Variants in TJP2 observed in about 807,000 individuals in gnomAD.
TJP2 encodes tight junction protein 2, also known as Friedreich ataxia region gene X104 (tight junction protein ZO-2).
Under a neutral mutation model 133.1 loss-of-function variants are expected in TJP2, and 91 were observed. That is an observed-to-expected ratio of 0.68 (90% CI 0.58 to 0.81). The LOEUF is 0.81. Ranked by LOEUF, TJP2 falls within the 40% of genes least tolerant of loss-of-function variation. TJP2 has a pLI of 0.00. For synonymous variants in TJP2, 592 were observed against 583.4 expected (o/e 1.01, Z -0.21); for missense variants, 1,541 against 1,565.6 (o/e 0.98, Z 0.26).
rs770042667 is a variant in TJP2, at chr9:69,230,085, T to G, written c.1524T>G (p.Pro508=). ...TCTGAAACGGAACCTATTGCAGCCC[T>G]AATACCAAAATGGTAAGGTTCAAGA... ...PSPEDEAIYG[P]NTKMVRFKKG... The change falls in exon 11 of 23, where the codon CCT becomes CCG. Residue 508 remains proline (P), a synonymous_variant. Transcript: ENST00000377245. 1.9e-6 allele frequency: 3 copies of G among 1,614,046 alleles called. No individual in the cohort carries two copies. The highest frequency in any genetic ancestry group is 2.5e-6 in the Non-Finnish European group (3 of 1,180,008).
chr9:69,251,165 C>G lies in TJP2; in HGVS notation c.3122C>G (p.Ala1041Gly). The G allele has an allele frequency of 6.2e-7, 1 of 1,614,162 alleles. No individual in the cohort carries two copies. Among genetic ancestry groups the G allele is most frequent in the African/African-American group, 1.3e-5 (1 of 75,034 alleles). ...AAAGGTTATCCTCCTCCTGTTGCAGCAAAACCTACCTTTGGGCGGTCTATA... is the reference window on the plus strand; with the variant it reads ...AAAGGTTATCCTCCTCCTGTTGCAGGAAAACCTACCTTTGGGCGGTCTATA... ...STKGYPPPVA[A>G]KPTFGRSILK... The change falls in exon 21 of 23, where the codon GCA (alanine) becomes GGA (glycine). Residue 1041 changes from alanine (A) to glycine (G), a missense_variant. Physicochemically the swap from Ala to Gly is moderately conservative, Grantham distance 60. Coordinates refer to ENST00000377245, the MANE Select transcript of TJP2 (RefSeq NM_004817.4).
intron 1 of TJP2, among the ~76,000 whole-genome samples, chr9:69,148,082 G>A (rs1055114973): frequency 1.8e-4 from 27 of 151,802 alleles, no homozygotes; most frequent in African/African-American, 6.3e-4. Flanking sequence ...GCGCCACCAC[G>A]TCTGGCTAAT....
At chr9:69,139,881 C>T (rs1029531269) in intron 1 of TJP2, among the ~76,000 whole-genome samples, 1 of 152,172 alleles carries the variant, frequency 6.6e-6, no homozygotes, top group Non-Finnish European at 1.5e-5. Flanking sequence ...ACAGAGTCCC[C>T]TGGGGCCTTC....
At chr9:69,158,134 G>A (rs553322914) in intron 2 of TJP2, among the ~76,000 whole-genome samples, 1 of 151,694 alleles carries the variant, frequency 6.6e-6, no homozygotes, top group Non-Finnish European at 1.5e-5. Flanking sequence ...CCAACATGGT[G>A]AAACCCCATC....
chr9:69,192,638 T>C (rs1015813709), intron 1 of TJP2, among the ~76,000 whole-genome samples: 1 of 152,196 alleles, frequency 6.6e-6, no homozygotes, highest in Admixed American at 6.5e-5. Flanking sequence ...CTTCAATATG[T>C]TCTTATTCTG....
chr9:69,239,772 C>T (rs1351832340), intron 16 of TJP2, among the ~76,000 whole-genome samples, 165 bp from the exon 17 acceptor site: 2 of 152,172 alleles, frequency 1.3e-5, no homozygotes, highest in Non-Finnish European at 2.9e-5. Flanking sequence ...CAAGTTTGTG[C>T]CACTGCACTC....
chr9:69,245,738 A>G (rs1474362046), intron 17 of TJP2, among the ~76,000 whole-genome samples: 4 of 152,236 alleles, frequency 2.6e-5, no homozygotes, highest in African/African-American at 9.6e-5. Context: ...AAGTTTGTGT[A>G]GTCGTGAAAT....
At chr9:69,210,086 A>C (rs890812202) in intron 1 of TJP2, among the ~76,000 whole-genome samples, 1 of 152,004 alleles carries the variant, frequency 6.6e-6, no homozygotes, top group African/African-American at 2.4e-5. Flanking sequence ...CAGGAGTTTG[A>C]GATGAGCCTG....
intron 1 of TJP2, among the ~76,000 whole-genome samples, chr9:69,139,635 T>C (rs1822926317): frequency 6.6e-6 from 1 of 152,178 alleles, no homozygotes; most frequent in South Asian, 2.1e-4. Flanking sequence ...TGGTATTTTG[T>C]TGTGGCAGCC....
intron 11 of TJP2, among the ~76,000 whole-genome samples, chr9:69,231,338 T>A (rs1216279395): frequency 3.9e-5 from 6 of 152,202 alleles, no homozygotes; most frequent in African/African-American, 1.4e-4. Flanking sequence ...GCTCAAGCAG[T>A]CCACATGCCT....
intron 2 of TJP2, among the ~76,000 whole-genome samples, chr9:69,214,146 C>T (rs1241244704): frequency 6.6e-6 from 1 of 152,144 alleles, no homozygotes; most frequent in Non-Finnish European, 1.5e-5. Flanking sequence ...AGTGTAATTG[C>T]ATGATCTCAG....
rs1830179203 is a variant in TJP2 at position 69,236,218 on chromosome 9, C to CT, written c.1973dup (p.Leu658PhefsTer9). On this transcript the variant is annotated frameshift_variant, in exon 13 of 23. Coordinates refer to ENST00000377245, the MANE Select transcript of TJP2 (RefSeq NM_004817.4). LOFTEE classifies it high-confidence loss of function. ...GGATTGGGAACGAGTTGGAGAAAGG[C>CT]TTAATCCCCAACAAGAGCAGGTAAC... is the stretch of plus-strand genomic sequence containing the variant. 2 of 1,613,938 alleles carry CT rather than the reference C, an allele frequency of 1.2e-6. No individual in the cohort carries two copies.
intron 1 of TJP2, among the ~76,000 whole-genome samples, chr9:69,204,339 G>T (rs1285622711): frequency 6.6e-6 from 1 of 152,186 alleles, no homozygotes; most frequent in Non-Finnish European, 1.5e-5. Context: ...CATACACTAT[G>T]GTAGCAAGAA....
At chr9:69,188,346 C>T (rs909038491) in intron 1 of TJP2, among the ~76,000 whole-genome samples, 1 of 151,860 alleles carries the variant, frequency 6.6e-6, no homozygotes, top group Non-Finnish European at 1.5e-5. Flanking sequence ...AGGTGGGAAA[C>T]GGAGGCTCAG....
At chr9:69,184,400 G>T (rs546379434) in intron 1 of TJP2, among the ~76,000 whole-genome samples, 5 of 152,294 alleles carry the variant, frequency 3.3e-5, no homozygotes, top group African/African-American at 1.2e-4. Context: ...CAGCCTTGAG[G>T]CTGGTGAAAG....
At chr9:69,250,373 G>A (rs1831243988) in intron 20 of TJP2, among the ~76,000 whole-genome samples, 1 of 152,156 alleles carries the variant, frequency 6.6e-6, no homozygotes, top group Non-Finnish European at 1.5e-5. Flanking sequence ...CACAGTGCTG[G>A]GATTACAGGC....
chr9:69,149,774 A>G (rs1483863543), intron 1 of TJP2, among the ~76,000 whole-genome samples: 1 of 152,152 alleles, frequency 6.6e-6, no homozygotes, highest in African/African-American at 2.4e-5. Flanking sequence ...CAGAAGGGGT[A>G]TTTCTTGGGT....
chr9:69,156,533 T>A (rs867324597), intron 2 of TJP2, among the ~76,000 whole-genome samples: 9,387 of 140,098 alleles, frequency 0.067, 385 homozygotes, highest in East Asian at 0.22. Context: ...ATTTTTTTTT[T>A]TTTTTTTTTT....
intron 1 of TJP2, among the ~76,000 whole-genome samples, chr9:69,194,554 GCAGTAGCCACATTTCACATGTT>G (rs1365550499): frequency 6.6e-6 from 1 of 152,164 alleles, no homozygotes. Flanking sequence ...TTCTTCAGTT[GCAGTAGCCACATTTCACATGTT>G]CAGTAGCCAC....
Sources: allele counts gnomAD v4.1 joint callset (sites outside exome capture counted in the v4.1 genomes callset), GRCh38; gene constraint gnomAD v4.1.1; transcripts MANE v1.5; gene names NCBI Gene and HGNC (gene_info 2026-07-23, HGNC 2026-07-21).